Variants in ZBTB44 observed in about 807,000 individuals in gnomAD.
ZBTB44 encodes zinc finger and BTB domain containing 44.
Under a neutral mutation model 54.0 loss-of-function variants are expected in ZBTB44, and 15 were observed. The ratio of observed to expected loss-of-function variants is 0.28; its 90% CI spans 0.19 to 0.43. The LOEUF is 0.43. Among genes scored for constraint, ZBTB44 ranks in the 20% least tolerant of loss-of-function variants. The pLI is 1.00. For missense variants in ZBTB44, 487 were observed against 707.1 expected, an observed-to-expected ratio of 0.69 and a Z score of 3.53; for synonymous variants, 230 against 250.1, an observed-to-expected ratio of 0.92 and a Z score of 0.76.
intron 1 of ZBTB44, among the ~76,000 whole-genome samples, chr11:130,274,553 G>A (rs1939918455): frequency 6.6e-6 from 1 of 152,126 alleles, no homozygotes; most frequent in Non-Finnish European, 1.5e-5. Flanking sequence ...GTTTGCTACA[G>A]TGTTACTATC....
intron 1 of ZBTB44, among the ~76,000 whole-genome samples, chr11:130,264,918 C>T (rs1261795178): frequency 2.0e-5 from 3 of 152,188 alleles, no homozygotes; most frequent in Non-Finnish European, 2.9e-5. Flanking sequence ...ATTTGTGTCA[C>T]ATTTTGGTAA....
intron 1 of ZBTB44, among the ~76,000 whole-genome samples, chr11:130,310,804 G>A (rs997952504): frequency 7.2e-5 from 11 of 151,970 alleles, no homozygotes; most frequent in South Asian, 2.1e-4. Context: ...GTGCAATGGC[G>A]CAATCTTGGC....
At chr11:130,314,335 TCC>T (rs912880502) in intron 1 of ZBTB44, 38 bp downstream of exon 1, 17 of 152,420 alleles carry the variant, frequency 1.1e-4, no homozygotes, top group African/African-American at 4.1e-4. Context: ...GCAGGGGCCG[TCC>T]CCCGCGCGAC....
intron 1 of ZBTB44, among the ~76,000 whole-genome samples, chr11:130,294,309 G>A (rs1451086327): frequency 1.3e-5 from 2 of 151,748 alleles, no homozygotes; most frequent in Non-Finnish European, 2.9e-5. Flanking sequence ...CTACTCAGGC[G>A]CCTGAGGCAC....
chr11:130,247,457 C>T (rs1937627463), intron 2 of ZBTB44, among the ~76,000 whole-genome samples: 1 of 152,172 alleles, frequency 6.6e-6, no homozygotes. Flanking sequence ...TTCCTAGAAA[C>T]AGTCTTTTGA....
At chr11:130,291,338 T>C (rs858720) in intron 1 of ZBTB44, among the ~76,000 whole-genome samples, 118,803 of 152,028 alleles carry the variant, frequency 0.78, 46,687 homozygotes, top group Admixed American at 0.82. Flanking sequence ...AGGGTTTCAC[T>C]ATGTTGGCCA....
At chr11:130,254,198 A>C (rs1938249423) in intron 2 of ZBTB44, among the ~76,000 whole-genome samples, 1 of 152,224 alleles carries the variant, frequency 6.6e-6, no homozygotes, top group African/African-American at 2.4e-5. Context: ...CAATGGCAAC[A>C]AAAGCCAAAA....
At chr11:130,265,382 G>C (rs1750113297) in intron 1 of ZBTB44, among the ~76,000 whole-genome samples, 1 of 152,048 alleles carries the variant, frequency 6.6e-6, no homozygotes, top group Admixed American at 6.6e-5. Context: ...ATACAACAAA[G>C]CCCAGCTAAT....
At chr11:130,286,574 T>C (rs1212077977) in intron 1 of ZBTB44, among the ~76,000 whole-genome samples, 1 of 152,202 alleles carries the variant, frequency 6.6e-6, no homozygotes, top group East Asian at 1.9e-4. Context: ...TTCTGACACA[T>C]TACTAAGCAT....
rs1271134399 is a variant in ZBTB44, at chr11:130,238,728, A to T, written c.1104-121T>A. The T allele has an allele frequency of 4.9e-6, 5 of 1,027,806 alleles. No individual in the cohort carries two copies. In the East Asian group the frequency reaches 1.2e-4, roughly 24 times the overall value. The allele number at this position is 1,027,806 out of a possible 1,614,324, so 63.7% of individuals were successfully genotyped here. A position where few individuals can be genotyped will look rare whatever the true frequency, so the allele number is the denominator to read the frequency against. ...CTTAAAGACTTTTTGAAACAGTTTAACTGTTAGACTTCAAGTTTTACTTTA... is the reference window on the plus strand; with the variant it reads ...CTTAAAGACTTTTTGAAACAGTTTATCTGTTAGACTTCAAGTTTTACTTTA... On this transcript the variant is annotated intron_variant, in intron 3 of 7. Coordinates refer to ENST00000357899, the MANE Select transcript of ZBTB44 (RefSeq NM_001301098.2).
Position 130,227,995 on chromosome 11 carries a change from A to ATT in ZBTB44, c.*3767_*3768dup, listed in dbSNP as rs1953749629. The ATT allele has an allele frequency of 6.6e-6, 1 of 152,144 alleles. No homozygotes were observed. The highest frequency in any genetic ancestry group is 2.4e-5 in the African/African-American group (1 of 41,452). The allele number at this position is 152,144 out of a possible 1,614,324, so 9.4% of individuals were successfully genotyped here. On this transcript the variant is annotated 3_prime_UTR_variant, in exon 8 of 8. Transcript: ENST00000357899. Reference sequence around the variant, plus strand: ...TAAAAGTTCTTTCACAAATATATATATTTAAATATTAAAATAGGCTACCTA... The same window carrying ATT: ...TAAAAGTTCTTTCACAAATATATATATTTTTAAATATTAAAATAGGCTACCTA...
chr11:130,260,534 T>TA (rs900689493), intron 2 of ZBTB44, among the ~76,000 whole-genome samples: 1 of 152,254 alleles, frequency 6.6e-6, no homozygotes, highest in African/African-American at 2.4e-5. Context: ...TTATGTATCA[T>TA]AAATGTTTGC....
rs1953724377 is a variant in ZBTB44, at chr11:130,227,188, GA to G, written c.*4575del. The G allele has an allele frequency of 6.6e-6, 1 of 152,104 alleles. No individual in the cohort carries two copies. Among genetic ancestry groups the G allele is most frequent in the African/African-American group, 2.4e-5 (1 of 41,406 alleles). 9.4% of individuals were successfully genotyped at this position (152,104 alleles called of 1,614,324 possible). A position where few individuals can be genotyped will look rare whatever the true frequency, so the allele number is the denominator to read the frequency against. ...AGCCAGATACTAGTATATAAAATGT[GA>G]AGTTCTGATATTGTATACATTTTTT... On this transcript the variant is annotated 3_prime_UTR_variant, in exon 8 of 8. Coordinates refer to ENST00000357899, the MANE Select transcript of ZBTB44 (RefSeq NM_001301098.2).
chr11:130,274,147 T>C (rs967420580), intron 1 of ZBTB44, among the ~76,000 whole-genome samples: 1 of 151,234 alleles, frequency 6.6e-6, no homozygotes. Flanking sequence ...TTGCATTACA[T>C]GTTATTAGTT....
At chr11:130,298,773 AT>A (rs1425594536) in intron 1 of ZBTB44, among the ~76,000 whole-genome samples, 2 of 152,024 alleles carry the variant, frequency 1.3e-5, no homozygotes, top group Admixed American at 1.3e-4. Flanking sequence ...ATAGTTGAAG[AT>A]TTTAATATCA....
intron 7 of ZBTB44, chr11:130,232,157 T>A (rs992616798): frequency 2.6e-5 from 4 of 152,150 alleles, no homozygotes; most frequent in Non-Finnish European, 5.9e-5. Context: ...GGGAAAAAAT[T>A]ACAGAATTAG....
intron 1 of ZBTB44, among the ~76,000 whole-genome samples, chr11:130,277,538 T>C (rs1345409681): frequency 6.6e-6 from 1 of 150,510 alleles, no homozygotes; most frequent in East Asian, 1.9e-4. Context: ...TTTTGTGCTG[T>C]TACTGGCAGA....
chr11:130,288,723 C>T (rs1941123855), intron 1 of ZBTB44, among the ~76,000 whole-genome samples: 1 of 151,726 alleles, frequency 6.6e-6, no homozygotes, highest in Non-Finnish European at 1.5e-5. Flanking sequence ...CATGGTGAAA[C>T]CCTGTCTCTA....
intron 2 of ZBTB44, among the ~76,000 whole-genome samples, chr11:130,255,136 A>G (rs969846163): frequency 4.6e-5 from 7 of 152,068 alleles, no homozygotes; most frequent in Non-Finnish European, 7.4e-5. Flanking sequence ...TGACGAGTTA[A>G]TAGGTGCAGC....
Sources: allele counts gnomAD v4.1 joint callset (sites outside exome capture counted in the v4.1 genomes callset), GRCh38; gene constraint gnomAD v4.1.1; transcripts MANE v1.5; gene names NCBI Gene and HGNC (gene_info 2026-07-23, HGNC 2026-07-21).